UNC5C: variants seen among roughly 807,000 people sequenced by gnomAD.
UNC5C encodes the protein unc-5 netrin receptor C.
Under a neutral mutation model 99.8 loss-of-function variants are expected in UNC5C, and 47 were observed. That is an observed-to-expected ratio of 0.47 (90% CI 0.37 to 0.60). UNC5C has a LOEUF of 0.60. Ranked by LOEUF, UNC5C falls within the 20% of genes least tolerant of loss-of-function variation. The pLI is 0.00. For missense variants in UNC5C, 1,062 were observed against 1,165.9 expected (o/e 0.91, Z 1.30); for synonymous variants, 487 against 452.2 (o/e 1.08, Z -0.98).
intron 1 of UNC5C, among the ~76,000 whole-genome samples, chr4:95,387,422 G>A (rs1483746): frequency 0.32 from 49,001 of 152,050 alleles, 8,168 homozygotes; most frequent in Middle Eastern, 0.42. Context: ...TTACAGGCGT[G>A]AGCCACCTCA....
At chr4:95,548,291 C>G (rs999031918) in intron 1 of UNC5C, among the ~76,000 whole-genome samples, 1 of 152,108 alleles carries the variant, frequency 6.6e-6, no homozygotes, top group African/African-American at 2.4e-5. Flanking sequence ...TCCTGCTACC[C>G]CAGTCTTGGC....
At chr4:95,440,773 G>A (rs761576971) in intron 1 of UNC5C, among the ~76,000 whole-genome samples, 6 of 151,978 alleles carry the variant, frequency 3.9e-5, no homozygotes, top group Admixed American at 6.6e-5. Context: ...AAAGAAACTC[G>A]GTGAAATTTA....
intron 1 of UNC5C, among the ~76,000 whole-genome samples, chr4:95,519,728 T>A (rs1050467848): frequency 5.3e-5 from 8 of 152,168 alleles, no homozygotes; most frequent in Non-Finnish European, 1.2e-4. Flanking sequence ...CCAGTGTGCA[T>A]AAGGGAACAG....
intron 1 of UNC5C, among the ~76,000 whole-genome samples, chr4:95,523,198 C>T (rs1346343301): frequency 2.0e-5 from 3 of 152,166 alleles, no homozygotes; most frequent in African/African-American, 7.2e-5. Flanking sequence ...GCATGAACTG[C>T]CCAACAGAAT....
At chr4:95,513,572 T>C (rs1448408077) in intron 1 of UNC5C, among the ~76,000 whole-genome samples, 1 of 152,148 alleles carries the variant, frequency 6.6e-6, no homozygotes, top group Non-Finnish European at 1.5e-5. Flanking sequence ...TTAATATATA[T>C]TATCAAGACA....
intron 1 of UNC5C, among the ~76,000 whole-genome samples, chr4:95,399,966 G>T (rs186022896): frequency 6.6e-6 from 1 of 152,122 alleles, no homozygotes; most frequent in Admixed American, 6.5e-5. Flanking sequence ...TGAGCACAAT[G>T]CCTTCATATA....
chr4:95,412,978 C>T (rs956820494), intron 1 of UNC5C, among the ~76,000 whole-genome samples: 1 of 152,168 alleles, frequency 6.6e-6, no homozygotes, highest in Non-Finnish European at 1.5e-5. Flanking sequence ...TCTCTCTCGA[C>T]TTCCTTCACT....
chr4:95,400,660 G>A (rs1745663537), intron 1 of UNC5C, among the ~76,000 whole-genome samples: 1 of 152,026 alleles, frequency 6.6e-6, no homozygotes, highest in Non-Finnish European at 1.5e-5. Flanking sequence ...CAGAGTGCTG[G>A]GATTACAGGC....
intron 3 of UNC5C, among the ~76,000 whole-genome samples, chr4:95,292,266 T>TATAA (rs1361082093): frequency 1.5e-3 from 86 of 58,104 alleles, no homozygotes; most frequent in Middle Eastern, 0.02. Context: ...TATATATATA[T>TATAA]AAATTTTTTT....
At chr4:95,438,585 T>C (rs1746858297) in intron 1 of UNC5C, among the ~76,000 whole-genome samples, 1 of 152,116 alleles carries the variant, frequency 6.6e-6, no homozygotes, top group African/African-American at 2.4e-5. Context: ...AATAATATAG[T>C]TATCACTCAA....
At chr4:95,265,691 C>T (rs548435405) in intron 4 of UNC5C, among the ~76,000 whole-genome samples, 63 of 152,164 alleles carry the variant, frequency 4.1e-4, no homozygotes, top group Admixed American at 7.2e-4. Flanking sequence ...TATAATGAAC[C>T]AAATTTTGAA....
intron 1 of UNC5C, among the ~76,000 whole-genome samples, chr4:95,401,248 G>A (rs1745687778): frequency 6.6e-6 from 1 of 152,108 alleles, no homozygotes. Flanking sequence ...TATTAAAGCT[G>A]TGAGCAAAAC....
intron 1 of UNC5C, among the ~76,000 whole-genome samples, chr4:95,515,552 T>A (rs1252340256): frequency 1.3e-5 from 2 of 152,236 alleles, no homozygotes; most frequent in African/African-American, 2.4e-5. Context: ...GGAAAATGGA[T>A]AATTGAAAGC....
chr4:95,200,248 T>G (rs1212513568), intron 12 of UNC5C, among the ~76,000 whole-genome samples: 1 of 152,234 alleles, frequency 6.6e-6, no homozygotes, highest in Non-Finnish European at 1.5e-5. Context: ...AAAACTTTCT[T>G]TCCTTGGCTT....
rs2149341262 is a variant in UNC5C at position 95,165,789 on chromosome 4, AGTATACAAACC to A, written c.*3434_*3444del. 6.6e-6 allele frequency: 1 copy of A among 152,358 alleles called. No individual in the cohort carries two copies. Among genetic ancestry groups the A allele is most frequent in the African/African-American group, 2.4e-5 (1 of 41,588 alleles). The allele number at this position is 152,358 out of a possible 1,614,324, so 9.4% of individuals were successfully genotyped here. A position where few individuals can be genotyped will look rare whatever the true frequency, so the allele number is the denominator to read the frequency against. ...ATTAAGGAACTAAAAGGAGATTTAA[AGTATACAAACC>A]CCAATGAAAACCATAAGTGTTAAAA... is the stretch of plus-strand genomic sequence containing the variant. On this transcript the variant is annotated 3_prime_UTR_variant, in exon 16 of 16. Coordinates refer to ENST00000453304, the MANE Select transcript of UNC5C (RefSeq NM_003728.4).
chr4:95,265,194 C>T (rs1467645959), intron 4 of UNC5C, among the ~76,000 whole-genome samples: 2 of 152,228 alleles, frequency 1.3e-5, no homozygotes, highest in Non-Finnish European at 2.9e-5. Context: ...AGGCTGACAA[C>T]TCACAAATCG....
At chr4:95,391,001 T>C (rs777905718) in intron 1 of UNC5C, among the ~76,000 whole-genome samples, 2 of 152,270 alleles carry the variant, frequency 1.3e-5, no homozygotes, top group African/African-American at 2.4e-5. Flanking sequence ...ATCATGAAGG[T>C]GGATTTTTCC....
chr4:95,346,835 T>C (rs1215045789), intron 1 of UNC5C, among the ~76,000 whole-genome samples: 1 of 151,886 alleles, frequency 6.6e-6, no homozygotes, highest in African/African-American at 2.4e-5. Context: ...ATCTGAAAGC[T>C]TTTTCTCTAA....
chr4:95,517,434 G>T (rs1722246372), intron 1 of UNC5C, among the ~76,000 whole-genome samples: 1 of 152,016 alleles, frequency 6.6e-6, no homozygotes, highest in South Asian at 2.1e-4. Flanking sequence ...GGAAAAAGAG[G>T]GAGTCCCATC....
Sources: allele counts gnomAD v4.1 joint callset (sites outside exome capture counted in the v4.1 genomes callset), GRCh38; gene constraint gnomAD v4.1.1; transcripts MANE v1.5; gene names NCBI Gene and HGNC (gene_info 2026-07-23, HGNC 2026-07-21).